Variants in SND1 observed in about 807,000 individuals in gnomAD.
SND1 encodes the protein staphylococcal nuclease domain-containing protein 1.
Under a neutral mutation model 121.7 loss-of-function variants are expected in SND1, and 38 were observed. The observed-to-expected ratio is 0.31, with a 90% CI of 0.24 to 0.41. SND1 has a LOEUF of 0.41. Ranked by LOEUF, SND1 falls within the 10% of genes least tolerant of loss-of-function variation. SND1 has a pLI of 1.00. For missense variants in SND1, 868 were observed against 1,184.6 expected, an observed-to-expected ratio of 0.73 and a Z score of 3.92; for synonymous variants, 401 against 447.4, an observed-to-expected ratio of 0.90 and a Z score of 1.31.
intron 16 of SND1, among the ~76,000 whole-genome samples, chr7:128,025,077 T>G (rs745886401): frequency 2.0e-5 from 3 of 152,208 alleles, no homozygotes; most frequent in Non-Finnish European, 4.4e-5. Flanking sequence ...CCATTGGGCC[T>G]AAGAATCAGG....
intron 2 of SND1, among the ~76,000 whole-genome samples, chr7:127,689,733 T>C (rs1795878270): frequency 6.6e-6 from 1 of 152,168 alleles, no homozygotes; most frequent in African/African-American, 2.4e-5. Flanking sequence ...CCCTGTGAGA[T>C]GAAATATTTG....
chr7:128,081,024 T>G (rs1793591813), intron 17 of SND1, among the ~76,000 whole-genome samples: 1 of 151,346 alleles, frequency 6.6e-6, no homozygotes, highest in South Asian at 2.1e-4. Context: ...TGAGACGGAG[T>G]CTTGCACTGT....
chr7:127,697,761 C>T (rs1371949159), intron 3 of SND1, among the ~76,000 whole-genome samples: 1 of 152,080 alleles, frequency 6.6e-6, no homozygotes, highest in Non-Finnish European at 1.5e-5. Flanking sequence ...ATGATAATGG[C>T]GAGGCAATTA....
At chr7:127,930,958 A>C (rs561713049) in intron 15 of SND1, among the ~76,000 whole-genome samples, 1 of 152,326 alleles carries the variant, frequency 6.6e-6, no homozygotes, top group Non-Finnish European at 1.5e-5. Context: ...TTCACATTTC[A>C]AACTTTATTA....
intron 10 of SND1, among the ~76,000 whole-genome samples, chr7:127,801,886 C>G (rs10228070): frequency 0.95 from 143,748 of 152,100 alleles, 68,373 homozygotes; most frequent in Non-Finnish European, 1. Context: ...CTGTCGCCCC[C>G]GCTGGAGTGC....
chr7:127,767,862 C>T (rs1056205872), intron 10 of SND1, among the ~76,000 whole-genome samples: 5 of 152,224 alleles, frequency 3.3e-5, no homozygotes, highest in Admixed American at 6.5e-5. Context: ...TATATCAGTA[C>T]GCATGTTAGG....
At chr7:127,972,514 C>T (rs1465240170) in intron 15 of SND1, among the ~76,000 whole-genome samples, 1 of 152,162 alleles carries the variant, frequency 6.6e-6, no homozygotes, top group East Asian at 1.9e-4. Flanking sequence ...GTCTTGGCCT[C>T]ATGAAGTGCT....
intron 12 of SND1, among the ~76,000 whole-genome samples, chr7:127,880,318 A>G (rs962478318): frequency 5.3e-5 from 8 of 152,148 alleles, no homozygotes; most frequent in African/African-American, 1.9e-4. Context: ...AAACTTTATT[A>G]TAGGTATGTA....
chr7:127,783,099 A>T (rs568795103), intron 10 of SND1, among the ~76,000 whole-genome samples: 1 of 152,316 alleles, frequency 6.6e-6, no homozygotes, highest in South Asian at 2.1e-4. Flanking sequence ...TTTAAAGGGT[A>T]GTTAGTTATC....
At chr7:127,694,733 A>T in intron 2 of SND1, 95 bp from the exon 3 acceptor site, 1 of 1,436,018 alleles carries the variant, frequency 7.0e-7, no homozygotes, top group Non-Finnish European at 9.7e-7. Flanking sequence ...CATGGTAGGT[A>T]CTCAGACATT....
intron 15 of SND1, among the ~76,000 whole-genome samples, chr7:127,975,385 G>A (rs923138799): frequency 1.2e-4 from 9 of 74,164 alleles, no homozygotes; most frequent in African/African-American, 7.3e-4. Flanking sequence ...GACTCCCCTC[G>A]TGTGTGTGTG....
chr7:128,081,297 C>T (rs756568987), intron 17 of SND1, 63 bp from the exon 18 acceptor site: 14 of 1,601,828 alleles, frequency 8.7e-6, no homozygotes, highest in East Asian at 2.3e-5. Flanking sequence ...CGCCTGGCCT[C>T]CCAGTGTCTT....
chr7:127,993,935 C>T (rs2116920765), intron 16 of SND1, among the ~76,000 whole-genome samples: 1 of 152,336 alleles, frequency 6.6e-6, no homozygotes, highest in East Asian at 1.9e-4. Context: ...GGGAGAGGGG[C>T]TGTGTAACGG....
At chr7:127,755,236 G>A (rs1273358627) in intron 10 of SND1, among the ~76,000 whole-genome samples, 1 of 152,216 alleles carries the variant, frequency 6.6e-6, no homozygotes, top group African/African-American at 2.4e-5. Flanking sequence ...GAGCCCAGGA[G>A]GAGAGTGACA....
intron 12 of SND1, among the ~76,000 whole-genome samples, chr7:127,861,633 C>T (rs1021118070): frequency 6.6e-6 from 1 of 152,160 alleles, no homozygotes; most frequent in African/African-American, 2.4e-5. Flanking sequence ...CACCACCACA[C>T]CCAGCTAATT....
At chr7:128,018,934 C>T (rs776242297) in intron 16 of SND1, among the ~76,000 whole-genome samples, 24 of 152,216 alleles carry the variant, frequency 1.6e-4, no homozygotes, top group Non-Finnish European at 3.2e-4. Flanking sequence ...ACCTGTACTT[C>T]TGTCCTGGAA....
chr7:127,860,155 T>G (rs1799349444), intron 12 of SND1, among the ~76,000 whole-genome samples: 1 of 152,206 alleles, frequency 6.6e-6, no homozygotes. Context: ...GAAAGTGGCA[T>G]AAACAGTACT....
At chr7:127,799,909 A>G (rs558422799) in intron 10 of SND1, among the ~76,000 whole-genome samples, 1 of 152,342 alleles carries the variant, frequency 6.6e-6, no homozygotes, top group Admixed American at 6.5e-5. Flanking sequence ...TTAGGAAGAT[A>G]AAAGATACCT....
At chr7:127,744,747 G>A (rs1283398279) in intron 10 of SND1, among the ~76,000 whole-genome samples, 2 of 152,138 alleles carry the variant, frequency 1.3e-5, no homozygotes, top group African/African-American at 4.8e-5. Context: ...AAATACAGGT[G>A]CAAAAAGGGA....
Sources: allele counts gnomAD v4.1 joint callset (sites outside exome capture counted in the v4.1 genomes callset), GRCh38; gene constraint gnomAD v4.1.1; transcripts MANE v1.5; gene names NCBI Gene and HGNC (gene_info 2026-07-23, HGNC 2026-07-21).